The following FAM136A variants were observed in gnomAD, a reference collection of about 807,000 sequenced individuals.
FAM136A encodes TIM double twin CX3C motif chaperone.
Under a neutral mutation model 21.6 loss-of-function variants are expected in FAM136A, and 25 were observed. That is an observed-to-expected ratio of 1.16 (90% CI 0.84 to 1.62). FAM136A has a LOEUF of 1.62. Among genes scored for constraint, FAM136A ranks in the 40% most tolerant of loss-of-function variants. The probability of loss-of-function intolerance (pLI) is 0.00; values close to 1 mark genes in which losing one functional copy is unlikely to be tolerated. For missense variants in FAM136A, 338 were observed against 332.0 expected (o/e 1.02, Z -0.14); for synonymous variants, 119 against 129.4 (o/e 0.92, Z 0.55).
At chr2:70,301,017 C>T in intron 1 of FAM136A, 37 bp from the exon 2 acceptor site, 1 of 1,589,470 alleles carries the variant, frequency 6.3e-7, no homozygotes, top group Non-Finnish European at 8.6e-7. Context: ...GTAGGAAAGT[C>T]TCTGGGGACA....
intron 2 of FAM136A, among the ~76,000 whole-genome samples, chr2:70,299,389 A>C (rs530765506): frequency 2.6e-5 from 4 of 152,252 alleles, no homozygotes; most frequent in African/African-American, 9.6e-5. Context: ...AGTCAACAGT[A>C]ATAATGATTC....
rs747740033 is a variant in FAM136A at position 70,301,757 on chromosome 2, G to A, written c.255C>T (p.Gly85=). 2.6e-6 allele frequency: 4 copies of A among 1,542,284 alleles called. No homozygotes were observed. Among genetic ancestry groups the A allele is most frequent in the East Asian group, 4.9e-5 (2 of 40,892 alleles). ...AGGGCACACGGATTTCATCCGATCC[G>A]CCAAAGCTTCCGAAGTCCTGTCCGA... ...GGLGQDFGSF[G]GSDEIRVPLP... Residue 85 remains glycine, a synonymous_variant, in exon 1 of 3, where the codon GGC becomes GGT. Coordinates refer to ENST00000430566, the MANE Select transcript of FAM136A (RefSeq NM_001329752.2).
chr2:70,299,643 C>T (rs1211281706), intron 2 of FAM136A, among the ~76,000 whole-genome samples: 1 of 152,116 alleles, frequency 6.6e-6, no homozygotes, highest in Non-Finnish European at 1.5e-5. Flanking sequence ...CTCTGTCACC[C>T]AGGCTGGAGT....
intron 2 of FAM136A, among the ~76,000 whole-genome samples, chr2:70,298,203 C>T (rs1469058958): frequency 6.6e-6 from 1 of 152,138 alleles, no homozygotes; most frequent in Non-Finnish European, 1.5e-5. Flanking sequence ...AGTGATTCTC[C>T]TGCCTCAGCC....
At chr2:70,300,711 G>T in intron 2 of FAM136A, 129 bp downstream of exon 2, 1 of 1,114,876 alleles carries the variant, frequency 9.0e-7, no homozygotes, top group Non-Finnish European at 1.2e-6. Flanking sequence ...GTGAAAACTG[G>T]TTGGCCATCA....
rs767037341 is a variant in FAM136A, at chr2:70,301,393, C to G, written c.408+211G>C. ...TAATCAATGACTCAAGGGGCACTAT[C>G]TGGGAAACGCATACTCCGTGAGAGA... On this transcript the variant is annotated intron_variant, in intron 1 of 2. Coordinates refer to ENST00000430566, the MANE Select transcript of FAM136A (RefSeq NM_001329752.2). 7 of 1,524,232 alleles carry G rather than the reference C, an allele frequency of 4.6e-6. No individual in the cohort carries two copies. The South Asian group carries it at 8.5e-5, about 18-fold the overall frequency. 94.4% of individuals were successfully genotyped at this position (1,524,232 alleles called of 1,614,324 possible). A position where few individuals can be genotyped will look rare whatever the true frequency, so the allele number is the denominator to read the frequency against.
chr2:70,297,621 GTTT>G (rs55803921), intron 2 of FAM136A, 144 bp from the exon 3 acceptor site: 2,413 of 249,098 alleles, frequency 9.7e-3, no homozygotes, highest in East Asian at 0.016. Flanking sequence ...GATTGGCCAA[GTTT>G]TTTTTTTTTT....
intron 2 of FAM136A, 121 bp from the exon 3 acceptor site, chr2:70,297,598 G>A (rs1445343725): frequency 6.1e-6 from 5 of 820,960 alleles, no homozygotes; most frequent in Non-Finnish European, 9.1e-6. Flanking sequence ...CAATTAAAGG[G>A]ACATGGTAGT....
chr2:70,301,001 G>GGTTA (rs1402224451), intron 1 of FAM136A, 21 bp from the exon 2 acceptor site: 1 of 1,599,170 alleles, frequency 6.3e-7, no homozygotes, highest in South Asian at 1.1e-5. Flanking sequence ...AGGGCAGAGA[G>GGTTA]GTTAGGTAGG....
At chr2:70,300,093 G>T (rs1340886558) in intron 2 of FAM136A, among the ~76,000 whole-genome samples, 1 of 151,604 alleles carries the variant, frequency 6.6e-6, no homozygotes, top group Non-Finnish European at 1.5e-5. Flanking sequence ...GTAGAGATGG[G>T]GTTTCACCAT....
rs766277089 is a variant in FAM136A at position 70,297,462 on chromosome 2, AC to A, written c.564del (p.Cys189AlafsTer13). ...ELEKFQDRLA[R>X]CTMHCNDKAK... ...GCTTTGTCGTTGCAATGCATGGTGC[AC>A]CGGGCCAGGCGGTCCTGTGGCAAGA... On this transcript the variant is annotated frameshift_variant, in exon 3 of 3. Transcript: ENST00000430566. LOFTEE classifies it high-confidence loss of function. 1.2e-6 allele frequency: 2 copies of A among 1,613,744 alleles called. No individual in the cohort carries two copies. The highest frequency in any genetic ancestry group is 2.7e-5 in the African/African-American group (2 of 74,862).
intron 2 of FAM136A, 48 bp downstream of exon 2, chr2:70,300,792 A>C (rs759005236): frequency 6.6e-7 from 1 of 1,521,558 alleles, no homozygotes. Flanking sequence ...CATCTCCTGC[A>C]AAAGTCTGTA....
At chr2:70,299,201 G>A (rs564927028) in intron 2 of FAM136A, among the ~76,000 whole-genome samples, 65 of 152,306 alleles carry the variant, frequency 4.3e-4, no homozygotes, top group African/African-American at 1.5e-3. Flanking sequence ...GTTTCCATGT[G>A]GATGGAACCT....
In FAM136A at chr2:70,301,639, G is replaced by A. The variant is rs1173255421; in HGVS notation, c.373C>T (p.Pro125Ser). The change falls in exon 1 of 3, where the codon CCA (proline) becomes TCA (serine). Residue 125 changes from proline (P) to serine (S), a missense_variant. By Grantham distance (74) the Pro-to-Ser change is moderately conservative (BLOSUM62 -1). Transcript: ENST00000430566. Reference sequence around the variant, plus strand: ...GGCCGCGTAAGAGGGGAAGGTGGTGGGGCGAGCGCCTGCCACCAGGGGCTT... The same window carrying A: ...GGCCGCGTAAGAGGGGAAGGTGGTGAGGCGAGCGCCTGCCACCAGGGGCTT... ...VGSPWWQALA[P>S]PPSPLTRPLP... 5.9e-6 allele frequency: 9 copies of A among 1,535,716 alleles called. No homozygotes were observed. Among genetic ancestry groups the A allele is most frequent in the Non-Finnish European group, 7.0e-6 (8 of 1,146,664 alleles).
Position 70,297,375 on chromosome 2 carries a change from C to T in FAM136A, c.652G>A (p.Val218Met). 6.2e-7 allele frequency: 1 copy of T among 1,614,036 alleles called. No individual in the cohort carries two copies. Among genetic ancestry groups the T allele is most frequent in the Non-Finnish European group, 8.5e-7 (1 of 1,179,902 alleles). Reference protein sequence around the residue: ...LQVKQQLDSCVTKCVDDHMHL... With the variant: ...LQVKQQLDSCMTKCVDDHMHL... The stretch of plus-strand genomic sequence containing the variant: ...ATGTGGTCATCCACACACTTGGTCA[C>T]ACAACTGTCCAGCTGCTGCTTCACC... The change falls in exon 3 of 3, where the codon GTG becomes ATG. Residue 218 changes from valine to methionine, a missense_variant. Transcript: ENST00000430566.
At chr2:70,297,603 G>T in intron 2 of FAM136A, 126 bp from the exon 3 acceptor site, 1 of 741,914 alleles carries the variant, frequency 1.3e-6, no homozygotes, top group Non-Finnish European at 2.0e-6. Context: ...AAAGGGACAT[G>T]GTAGTGTGAT....
rs1294571425 is a variant in FAM136A, at chr2:70,296,196, GTC to G, written c.*1091_*1092del. On this transcript the variant is annotated 3_prime_UTR_variant, in exon 3 of 3. Coordinates refer to ENST00000430566, the MANE Select transcript of FAM136A (RefSeq NM_001329752.2). The stretch of plus-strand genomic sequence containing the variant: ...AAAATGGTATTTGGTAATGGGGGCT[GTC>G]TCTCCTTTGCTCTAAGGGAGTCAGC... 1 of 136,984 alleles carries G rather than the reference GTC, an allele frequency of 7.3e-6. No individual in the cohort carries two copies. Among genetic ancestry groups the G allele is most frequent in the Non-Finnish European group, 1.7e-5 (1 of 59,288 alleles). 8.5% of individuals were successfully genotyped at this position (136,984 alleles called of 1,614,324 possible). A position where few individuals can be genotyped will look rare whatever the true frequency, so the allele number is the denominator to read the frequency against.
rs1346207355 is a variant in FAM136A at position 70,296,175 on chromosome 2, T to C, written c.*1114A>G. On this transcript the variant is annotated 3_prime_UTR_variant, in exon 3 of 3. Coordinates refer to ENST00000430566, the MANE Select transcript of FAM136A (RefSeq NM_001329752.2). ...CAGCTGCACAAGCCCCAGGCAAAAATGGTATTTGGTAATGGGGGCTGTCTC... is the reference window on the plus strand; with the variant it reads ...CAGCTGCACAAGCCCCAGGCAAAAACGGTATTTGGTAATGGGGGCTGTCTC... The C allele has an allele frequency of 1.3e-5, 2 of 152,690 alleles. No homozygotes were observed. Among genetic ancestry groups the C allele is most frequent in the Non-Finnish European group, 2.9e-5 (2 of 68,108 alleles). The allele number at this position is 152,690 out of a possible 1,614,324, so 9.5% of individuals were successfully genotyped here.
intron 2 of FAM136A, among the ~76,000 whole-genome samples, 177 bp from the exon 3 acceptor site, chr2:70,297,654 C>T (rs1048403566): frequency 2.3e-4 from 26 of 113,726 alleles, no homozygotes; most frequent in African/African-American, 8.6e-4. Context: ...TGAGCAGAGT[C>T]TCACTCTGTT....
Sources: allele counts gnomAD v4.1 joint callset (sites outside exome capture counted in the v4.1 genomes callset), GRCh38; gene constraint gnomAD v4.1.1; transcripts MANE v1.5; gene names NCBI Gene and HGNC (gene_info 2026-07-23, HGNC 2026-07-21).